The following ELMOD2 variants were observed in gnomAD, a reference collection of about 807,000 sequenced individuals.
The protein encoded by ELMOD2 is ELMO domain containing 2, also known as ELMO domain-containing protein 2.
ELMOD2 carries 28 observed loss-of-function variants against 41.0 expected under a neutral mutation model. The observed-to-expected ratio is 0.68, with a 90% CI of 0.51 to 0.94. ELMOD2 has a LOEUF of 0.94. Among genes scored for constraint, ELMOD2 ranks in the 40% least tolerant of loss-of-function variants. ELMOD2 has a pLI of 0.00. For missense variants in ELMOD2, 333 were observed against 343.1 expected, an observed-to-expected ratio of 0.97 and a Z score of 0.23; for synonymous variants, 106 against 107.2, an observed-to-expected ratio of 0.99 and a Z score of 0.07.
At chr4:140,525,685 T>A (rs1271319046) in intron 2 of ELMOD2, 115 bp downstream of exon 2, 1 of 1,186,674 alleles carries the variant, frequency 8.4e-7, no homozygotes, top group East Asian at 2.8e-5. Context: ...TAAACTGAAT[T>A]TCATAAGCTC....
chr4:140,540,798 T>C (rs967928511), intron 6 of ELMOD2, among the ~76,000 whole-genome samples: 9 of 152,172 alleles, frequency 5.9e-5, no homozygotes, highest in African/African-American at 2.2e-4. Context: ...GTGATTTCTT[T>C]ACTTACCAAT....
At chr4:140,549,060 C>CG (rs1378012043) in intron 8 of ELMOD2, among the ~76,000 whole-genome samples, 1 of 151,994 alleles carries the variant, frequency 6.6e-6, no homozygotes, top group Non-Finnish European at 1.5e-5. Flanking sequence ...TGCTCCTCCC[C>CG]CCACCATCCT....
chr4:140,534,398 T>A (rs1451984416), intron 3 of ELMOD2, among the ~76,000 whole-genome samples: 1 of 152,114 alleles, frequency 6.6e-6, no homozygotes, highest in Non-Finnish European at 1.5e-5. Context: ...GAAGGAAGAA[T>A]TGATTGAAAA....
At chr4:140,526,569 CCT>C (rs1199694335) in intron 2 of ELMOD2, 5 of 152,072 alleles carry the variant, frequency 3.3e-5, no homozygotes, top group African/African-American at 7.2e-5. Flanking sequence ...GAAATCAACC[CCT>C]GTCAGGTTAA....
intron 3 of ELMOD2, among the ~76,000 whole-genome samples, chr4:140,533,442 A>G (rs1028297613): frequency 4.3e-4 from 66 of 152,282 alleles, no homozygotes; most frequent in African/African-American, 1.5e-3. Flanking sequence ...TGCTGGAACA[A>G]CTGGGTATGT....
intron 5 of ELMOD2, 81 bp downstream of exon 5, chr4:140,537,622 T>G (rs1677906441): frequency 6.5e-7 from 1 of 1,534,718 alleles, no homozygotes; most frequent in Admixed American, 2.0e-5. Context: ...GTCTGCAAAT[T>G]CTAGAGGCTT....
At chr4:140,542,286 A>G (rs1735129962) in intron 6 of ELMOD2, 1 of 208,464 alleles carries the variant, frequency 4.8e-6, no homozygotes, top group Admixed American at 5.8e-5. Flanking sequence ...AAACAAAAAG[A>G]ACTTTGGTTG....
chr4:140,543,215 A>T (rs1735163444), intron 7 of ELMOD2, among the ~76,000 whole-genome samples: 1 of 151,986 alleles, frequency 6.6e-6, no homozygotes, highest in African/African-American at 2.4e-5. Context: ...TTAGTTTTAG[A>T]TATCATGTGA....
At chr4:140,530,569 A>G (rs1478351120) in intron 3 of ELMOD2, among the ~76,000 whole-genome samples, 2 of 152,210 alleles carry the variant, frequency 1.3e-5, no homozygotes, top group Non-Finnish European at 2.9e-5. Context: ...AGTAAACATT[A>G]AAATTGTATT....
At chr4:140,532,465 C>G (rs1162364293) in intron 3 of ELMOD2, among the ~76,000 whole-genome samples, 1 of 152,042 alleles carries the variant, frequency 6.6e-6, no homozygotes, top group Admixed American at 6.5e-5. Context: ...TTGCACCTGG[C>G]CTGTCATGTT....
intron 7 of ELMOD2, among the ~76,000 whole-genome samples, chr4:140,543,025 T>A (rs1735157692): frequency 2.0e-5 from 3 of 152,080 alleles, no homozygotes; most frequent in African/African-American, 7.2e-5. Flanking sequence ...CCGTTATTTT[T>A]AAAAATATTC....
intron 3 of ELMOD2, among the ~76,000 whole-genome samples, chr4:140,530,641 A>C (rs1398232631): frequency 6.6e-6 from 1 of 152,222 alleles, no homozygotes; most frequent in African/African-American, 2.4e-5. Flanking sequence ...CATCCTGCAA[A>C]GAGAGTGGTC....
intron 4 of ELMOD2, among the ~76,000 whole-genome samples, 195 bp from the exon 5 acceptor site, chr4:140,537,217 C>T (rs886599137): frequency 6.6e-6 from 1 of 152,092 alleles, no homozygotes; most frequent in Admixed American, 6.6e-5. Flanking sequence ...CCTACCATGT[C>T]TTGCCCTCTT....
rs948706068 is a variant in ELMOD2 at position 140,551,276 on chromosome 4, G to A, written c.*901G>A. 6 of 152,038 alleles carry A rather than the reference G, an allele frequency of 3.9e-5. No individual in the cohort carries two copies. Among genetic ancestry groups the A allele is most frequent in the African/African-American group, 1.2e-4 (5 of 41,432 alleles). The allele number at this position is 152,038 out of a possible 1,614,324, so 9.4% of individuals were successfully genotyped here. On this transcript the variant is annotated 3_prime_UTR_variant, in exon 9 of 9. Transcript: ENST00000323570. The stretch of plus-strand genomic sequence containing the variant: ...AGACAGTTTCTGTTTAAGTAAAACT[G>A]TCTTTGAAACTTAAGAAAGCTTAAG...
rs11100664 is a variant in ELMOD2 at position 140,546,690 on chromosome 4, G to A, written c.736+3104G>A. Among the ~76,000 whole-genome samples the A allele has an allele frequency of 3.2e-3, 485 of 151,964 alleles. 2 individuals carry two copies. Among genetic ancestry groups the A allele is most frequent in the Non-Finnish European group, 6.0e-3 (405 of 67,948 alleles). On this transcript the variant is annotated intron_variant, in intron 8 of 8. Coordinates refer to ENST00000323570, the MANE Select transcript of ELMOD2 (RefSeq NM_153702.4). Reference sequence around the variant, plus strand: ...CTCAATATATACAGGAGGGTGGTAGGTTAGAAAGCAGTGCAGAATGACCTT... The same window carrying A: ...CTCAATATATACAGGAGGGTGGTAGATTAGAAAGCAGTGCAGAATGACCTT...
intron 1 of ELMOD2, chr4:140,524,591 A>G (rs955711400): frequency 2.0e-6 from 2 of 985,442 alleles, no homozygotes; most frequent in Non-Finnish European, 2.4e-6. Flanking sequence ...CAGCTGTGCT[A>G]TGCGCTCTTT....
chr4:140,546,449 A>G (rs1449314700), intron 8 of ELMOD2, among the ~76,000 whole-genome samples: 1 of 151,968 alleles, frequency 6.6e-6, no homozygotes, highest in African/African-American at 2.4e-5. Flanking sequence ...ACAAACCTAC[A>G]CGTTGTGCAC....
chr4:140,541,060 C>G (rs1735091726), intron 6 of ELMOD2, among the ~76,000 whole-genome samples: 1 of 152,188 alleles, frequency 6.6e-6, no homozygotes, highest in Non-Finnish European at 1.5e-5. Context: ...TTCTTTAATA[C>G]TTACGATTAG....
intron 8 of ELMOD2, among the ~76,000 whole-genome samples, chr4:140,549,321 T>C (rs1465481924): frequency 2.6e-5 from 4 of 151,164 alleles, no homozygotes; most frequent in Non-Finnish European, 5.9e-5. Context: ...TATTTTGATG[T>C]TGGGTGGTTT....
Sources: gnomAD v4.1 joint callset for allele counts (sites outside exome capture counted in the v4.1 genomes callset) on GRCh38, gnomAD v4.1.1 for gene constraint, MANE v1.5 for transcripts, NCBI Gene and HGNC (gene_info 2026-07-23, HGNC 2026-07-21) for gene names.